Variants in NCOR1 observed in about 807,000 individuals in gnomAD.
NCOR1 encodes the protein nuclear receptor corepressor 1, also known as protein phosphatase 1, regulatory subunit 109.
Under a neutral mutation model 288.1 loss-of-function variants are expected in NCOR1, and 63 were observed. The ratio of observed to expected loss-of-function variants is 0.22; its 90% CI spans 0.18 to 0.27. The LOEUF (loss-of-function observed/expected upper bound fraction) is 0.27, where lower values mean the gene tolerates loss of function less well. Among genes scored for constraint, NCOR1 ranks in the 10% least tolerant of loss-of-function variants. The pLI is 1.00. For synonymous variants in NCOR1, 1,007 were observed against 1,065.9 expected (o/e 0.94, Z 1.08); for missense variants, 2,397 against 3,019.2 (o/e 0.79, Z 4.83).
rs2152815222 is a variant in NCOR1, at chr17:16,080,451, A to G, written c.3357T>C (p.Pro1119=). The G allele has an allele frequency of 6.2e-7, 1 of 1,614,178 alleles. No individual in the cohort carries two copies. The highest frequency in any genetic ancestry group is 8.5e-7 in the Non-Finnish European group (1 of 1,180,022). The change falls in exon 25 of 46, where the codon CCT becomes CCC. Residue 1119 remains proline (P), a synonymous_variant. Transcript: ENST00000268712. Reference sequence around the variant, plus strand: ...GTTGGGCCCTGACCAACAGACCCTCAGGTTGTGAGTTTTGGCTTCGGGGAG... The same window carrying G: ...GTTGGGCCCTGACCAACAGACCCTCGGGTTGTGAGTTTTGGCTTCGGGGAG... ...EFSPRSQNSQ[P]EGLLVRAQHE...
rs77079621 is a variant in NCOR1 at position 16,074,354 on chromosome 17, G to A, written c.3671-785C>T. On this transcript the variant is annotated intron_variant, in intron 27 of 45. Transcript: ENST00000268712. The stretch of plus-strand genomic sequence containing the variant: ...TGAGTTAGGTGGCTGCTGGGTTAAA[G>A]ATGATGGTGACAGTGGTGAATACAG... Among the ~76,000 whole-genome samples, 928 of 152,274 alleles carry A rather than the reference G, an allele frequency of 6.1e-3. 16 individuals carry two copies. Among genetic ancestry groups the A allele is most frequent in the African/African-American group, 0.021 (861 of 41,522 alleles).
chr17:16,104,919 C>A (rs2068308466), intron 19 of NCOR1, among the ~76,000 whole-genome samples: 1 of 152,088 alleles, frequency 6.6e-6, no homozygotes, highest in Admixed American at 6.6e-5. Flanking sequence ...GAGCCCTAGG[C>A]ACATGGTGGG....
At chr17:16,169,124 T>C (rs577748056) in intron 4 of NCOR1, among the ~76,000 whole-genome samples, 17 of 152,324 alleles carry the variant, frequency 1.1e-4, no homozygotes, top group Admixed American at 2.0e-4. Context: ...TGTAAACCTA[T>C]TGGCACAAAA....
intron 44 of NCOR1, among the ~76,000 whole-genome samples, chr17:16,038,888 A>T (rs1203739955): frequency 6.6e-6 from 1 of 152,152 alleles, no homozygotes; most frequent in Non-Finnish European, 1.5e-5. Context: ...CTCCTGCCTC[A>T]GCCTCCTGAG....
chr17:16,095,573 TA>T (rs2152951650), intron 21 of NCOR1, among the ~76,000 whole-genome samples: 1 of 108,652 alleles, frequency 9.2e-6, no homozygotes, highest in Admixed American at 1.0e-4. Flanking sequence ...AGCCGCCCCG[TA>T]CAGGAGGTGA....
intron 14 of NCOR1, among the ~76,000 whole-genome samples, chr17:16,127,341 GTATGTATATATGTATGTATA>G (rs2074494674): frequency 2.5e-5 from 1 of 40,738 alleles, no homozygotes; most frequent in African/African-American, 8.7e-5. Context: ...ATATATACAT[GTATGTATATATGTATGTATA>G]TATACATGTA....
At chr17:16,144,291 T>G (rs892437704) in intron 10 of NCOR1, among the ~76,000 whole-genome samples, 8 of 152,238 alleles carry the variant, frequency 5.3e-5, no homozygotes, top group Admixed American at 3.3e-4. Context: ...TCTTACTCAC[T>G]GTCATGTCCA....
At chr17:16,183,049 C>CA (rs1464323397) in intron 3 of NCOR1, among the ~76,000 whole-genome samples, 1 of 151,360 alleles carries the variant, frequency 6.6e-6, no homozygotes, top group Non-Finnish European at 1.5e-5. Flanking sequence ...TAATAAAGGC[C>CA]ATTTGTGAAA....
In NCOR1 at chr17:16,030,968, T is replaced by G. The variant is rs560614268; in HGVS notation, c.*1328A>C. The G allele has an allele frequency of 4.4e-4, 86 of 196,636 alleles. 1 individual carries two copies. Among genetic ancestry groups the G allele is most frequent in the African/African-American group, 1.8e-3 (77 of 43,448 alleles). 12.2% of individuals were successfully genotyped at this position (196,636 alleles called of 1,614,324 possible). On this transcript the variant is annotated 3_prime_UTR_variant, in exon 46 of 46. Coordinates refer to ENST00000268712, the MANE Select transcript of NCOR1 (RefSeq NM_006311.4). The stretch of plus-strand genomic sequence containing the variant: ...CTCCCCTTTCCAGTTACCAGTGGCA[T>G]TCTCCCAAAACTGTTAGTATCTATG...
chr17:16,051,447 T>C (rs1189287929), intron 40 of NCOR1, among the ~76,000 whole-genome samples: 4 of 152,264 alleles, frequency 2.6e-5, no homozygotes, highest in South Asian at 2.1e-4. Context: ...TTTAAACTAA[T>C]GAGAACAAAG....
chr17:16,064,867 C>T lies in NCOR1; in HGVS notation c.5101+3G>A, dbSNP rs1200012328. 2 of 1,607,250 alleles carry T rather than the reference C, an allele frequency of 1.2e-6. No homozygotes were observed. Among genetic ancestry groups the T allele is most frequent in the South Asian group, 2.2e-5 (2 of 90,130 alleles). On this transcript the variant is annotated splice_donor_region_variant and intron_variant, in intron 34 of 45. Transcript: ENST00000268712. ...AGAGAGGTGTGTAACTGTACAATCTCACCTGGAGACATGGAAGCAGAGTTG... is the reference window on the plus strand; with the variant it reads ...AGAGAGGTGTGTAACTGTACAATCTTACCTGGAGACATGGAAGCAGAGTTG...
intron 4 of NCOR1, among the ~76,000 whole-genome samples, chr17:16,165,402 T>G (rs376970223): frequency 6.6e-6 from 1 of 152,314 alleles, no homozygotes; most frequent in Non-Finnish European, 1.5e-5. Flanking sequence ...TGAGTTAGTG[T>G]TGATCAGCCT....
intron 40 of NCOR1, among the ~76,000 whole-genome samples, chr17:16,050,591 A>G (rs1011497172): frequency 2.0e-5 from 3 of 152,216 alleles, no homozygotes; most frequent in Non-Finnish European, 4.4e-5. Flanking sequence ...ATCTGGAATT[A>G]TGACTATTAG....
At chr17:16,092,444 A>T (rs573779670) in intron 21 of NCOR1, among the ~76,000 whole-genome samples, 1 of 151,860 alleles carries the variant, frequency 6.6e-6, no homozygotes, top group East Asian at 2.0e-4. Flanking sequence ...CTGAGATTGC[A>T]CCACTGCACT....
At chr17:16,069,339 A>G (rs1355825378) in intron 31 of NCOR1, among the ~76,000 whole-genome samples, 1 of 152,148 alleles carries the variant, frequency 6.6e-6, no homozygotes, top group African/African-American at 2.4e-5. Flanking sequence ...ATCCCTAACA[A>G]GGACTTCCCC....
rs189044184 is a variant in NCOR1 at position 16,138,044 on chromosome 17, G to A, written c.1407+114C>T. Reference sequence around the variant, plus strand: ...TTACATTAATCACATGAGACTCTTCGCAGTCTTTTTAAAATCGGTTCTAGT... The same window carrying A: ...TTACATTAATCACATGAGACTCTTCACAGTCTTTTTAAAATCGGTTCTAGT... On this transcript the variant is annotated intron_variant, in intron 13 of 45. Coordinates refer to ENST00000268712, the MANE Select transcript of NCOR1 (RefSeq NM_006311.4). 234 of 737,546 alleles carry A rather than the reference G, an allele frequency of 3.2e-4. No individual in the cohort carries two copies. The East Asian group carries it at 4.1e-3, about 13-fold the overall frequency. The allele number at this position is 737,546 out of a possible 1,614,324, so 45.7% of individuals were successfully genotyped here.
In NCOR1 at chr17:16,101,242, A is replaced by T. The variant is rs1214408961; in HGVS notation, c.2690+8T>A. The T allele has an allele frequency of 3.2e-6, 5 of 1,574,854 alleles. No homozygotes were observed. The East Asian group carries it at 9.0e-5, about 28-fold the overall frequency. ...AAGCACGGGGAGGACTTATGGAACG[A>T]GCCTCACCTCTGCCTCTCTGGCTCT... On this transcript the variant is annotated splice_region_variant and intron_variant, in intron 20 of 45. Coordinates refer to ENST00000268712, the MANE Select transcript of NCOR1 (RefSeq NM_006311.4).
At chr17:16,209,046 G>C (rs371950565) in intron 1 of NCOR1, among the ~76,000 whole-genome samples, 9 of 152,034 alleles carry the variant, frequency 5.9e-5, no homozygotes, top group East Asian at 5.8e-4. Flanking sequence ...TGTTATTCTG[G>C]GAGTGGGAAA....
intron 42 of NCOR1, chr17:16,044,911 A>G (rs2058405367): frequency 2.9e-6 from 2 of 696,938 alleles, no homozygotes; most frequent in Non-Finnish European, 5.1e-6. Flanking sequence ...GCAAACAAAG[A>G]AGAATCTGAG....
Sources: allele counts gnomAD v4.1 joint callset (sites outside exome capture counted in the v4.1 genomes callset), GRCh38; gene constraint gnomAD v4.1.1; transcripts MANE v1.5; gene names NCBI Gene and HGNC (gene_info 2026-07-23, HGNC 2026-07-21).